Variants in SYNE2 observed in about 807,000 individuals in gnomAD.
SYNE2 encodes the protein nesprin-2.
Under a neutral mutation model 856.3 loss-of-function variants are expected in SYNE2, and 431 were observed. The observed-to-expected ratio is 0.50, with a 90% CI of 0.47 to 0.55. The LOEUF (loss-of-function observed/expected upper bound fraction) is 0.55, where lower values mean the gene tolerates loss of function less well. Ranked by LOEUF, SYNE2 falls within the 20% of genes least tolerant of loss-of-function variation. The probability of loss-of-function intolerance (pLI) is 0.00; values close to 1 mark genes in which losing one functional copy is unlikely to be tolerated. For synonymous variants in SYNE2, 2,923 were observed against 2,872.3 expected, an observed-to-expected ratio of 1.02 and a Z score of -0.56; for missense variants, 8,129 against 8,023.2, an observed-to-expected ratio of 1.01 and a Z score of -0.50.
chr14:63,991,782 A>T (rs891466569), intron 21 of SYNE2, among the ~76,000 whole-genome samples: 3 of 152,094 alleles, frequency 2.0e-5, no homozygotes, highest in Admixed American at 1.3e-4. Context: ...ACTTTTTTTC[A>T]TTCATATTCA....
In SYNE2 at chr14:64,102,046, A is replaced by T. The variant is rs1016611009; in HGVS notation, c.12492+4A>T. 1.2e-5 allele frequency: 20 copies of T among 1,604,766 alleles called. No homozygotes were observed. Among genetic ancestry groups the T allele is most frequent in the African/African-American group, 1.2e-4 (9 of 74,748 alleles). ...ATCCTCTGGAACAATTGTTCAGGTA[A>T]TGCTGGGCGTATCAGCCACGCTTAG... On this transcript the variant is annotated splice_donor_region_variant and intron_variant, in intron 64 of 115. Coordinates refer to ENST00000555002, the MANE Select transcript of SYNE2 (RefSeq NM_182914.3).
At chr14:63,849,068 A>G (rs893908218), upstream of SYNE2, among the ~76,000 whole-genome samples, 3 of 152,238 alleles carry the variant, frequency 2.0e-5, no homozygotes, top group Admixed American at 2.0e-4. Flanking sequence ...AAACAAGACC[A>G]GAATGAGATA....
intron 1 of SYNE2, among the ~76,000 whole-genome samples, chr14:63,861,385 C>T (rs991487722): frequency 4.6e-5 from 7 of 151,790 alleles, no homozygotes; most frequent in South Asian, 2.1e-4. Context: ...CCTCGTGATC[C>T]GCCCACCTCA....
At chr14:64,103,077 T>C (rs2097746555) in intron 64 of SYNE2, among the ~76,000 whole-genome samples, 1 of 152,228 alleles carries the variant, frequency 6.6e-6, no homozygotes, top group African/African-American at 2.4e-5. Flanking sequence ...GTTGCTTCTC[T>C]ATCTTGGCTA....
chr14:63,984,654 A>G (rs767519413), intron 18 of SYNE2, among the ~76,000 whole-genome samples: 2 of 152,198 alleles, frequency 1.3e-5, no homozygotes, highest in Non-Finnish European at 2.9e-5. Flanking sequence ...AAAATCATAT[A>G]CTTGTAAGAT....
intron 8 of SYNE2, among the ~76,000 whole-genome samples, chr14:63,957,031 A>G (rs1272824785): frequency 6.6e-6 from 1 of 152,062 alleles, no homozygotes; most frequent in Non-Finnish European, 1.5e-5. Context: ...GAATTATACA[A>G]TATATGGTCT....
chr14:63,946,854 C>CTT (rs1047746600), intron 6 of SYNE2, among the ~76,000 whole-genome samples: 1 of 145,546 alleles, frequency 6.9e-6, no homozygotes, highest in African/African-American at 2.5e-5. Context: ...TTTTATATTC[C>CTT]TTTTTTTTTT....
chr14:63,946,388 A>G (rs970283000), intron 6 of SYNE2, among the ~76,000 whole-genome samples: 13 of 152,004 alleles, frequency 8.6e-5, no homozygotes, highest in African/African-American at 3.1e-4. Flanking sequence ...TGACTGGGCT[A>G]CTGCACTCTA....
chr14:64,014,348 G>A (rs1052344331), intron 32 of SYNE2, among the ~76,000 whole-genome samples: 1 of 152,130 alleles, frequency 6.6e-6, no homozygotes, highest in African/African-American at 2.4e-5. Context: ...GGAGTCTTTG[G>A]TGAATATAAG....
intron 60 of SYNE2, among the ~76,000 whole-genome samples, chr14:64,091,697 G>A (rs1209489949): frequency 6.6e-6 from 1 of 152,156 alleles, no homozygotes; most frequent in Admixed American, 6.5e-5. Flanking sequence ...CTCTCCATCA[G>A]GAATCATCAT....
At chr14:63,796,944 TG>T (rs376258098) in intron 1 of SYNE2, among the ~76,000 whole-genome samples, 31 of 151,776 alleles carry the variant, frequency 2.0e-4, no homozygotes, top group African/African-American at 7.0e-4. Flanking sequence ...CCGGGTGTGG[TG>T]GCGTGCGCCT....
At chr14:63,938,193 A>G (rs1178603880) in intron 2 of SYNE2, among the ~76,000 whole-genome samples, 1 of 152,184 alleles carries the variant, frequency 6.6e-6, no homozygotes, top group African/African-American at 2.4e-5. Context: ...GTGATGGCTC[A>G]CGCCTGTAAT....
At chr14:64,212,718 T>G (rs2098647564) in intron 104 of SYNE2, 93 bp from the exon 105 acceptor site, 1 of 1,154,946 alleles carries the variant, frequency 8.7e-7, no homozygotes, top group Non-Finnish European at 1.3e-6. Flanking sequence ...ATAATGACAT[T>G]TGGATGCTTT....
intron 38 of SYNE2, 129 bp from the exon 39 acceptor site, chr14:64,024,128 C>T (rs764772132): frequency 4.0e-6 from 3 of 759,138 alleles, no homozygotes; most frequent in Non-Finnish European, 6.9e-6. Flanking sequence ...ATCTCCATCA[C>T]CCTTCTTTCG....
intron 1 of SYNE2, among the ~76,000 whole-genome samples, chr14:63,805,524 A>G (rs1888328384): frequency 1.3e-5 from 2 of 152,112 alleles, no homozygotes; most frequent in South Asian, 4.1e-4. Flanking sequence ...AGTAGCTGGG[A>G]CTACAGGCGC....
At chr14:63,788,830 A>G (rs1012775855) in intron 1 of SYNE2, among the ~76,000 whole-genome samples, 1 of 152,236 alleles carries the variant, frequency 6.6e-6, no homozygotes, top group Non-Finnish European at 1.5e-5. Flanking sequence ...AAATAGAACT[A>G]GCATATGATC....
chr14:64,215,886 C>G, intron 107 of SYNE2: 1 of 1,232,024 alleles, frequency 8.1e-7, no homozygotes, highest in Admixed American at 3.4e-5. Flanking sequence ...TTTTGGTTCC[C>G]AAGTCCATCT....
chr14:63,891,246 T>G (rs990724750), intron 1 of SYNE2, among the ~76,000 whole-genome samples: 1 of 152,204 alleles, frequency 6.6e-6, no homozygotes, highest in Non-Finnish European at 1.5e-5. Flanking sequence ...ACAGTTTTAA[T>G]TACTTACGTA....
intron 11 of SYNE2, among the ~76,000 whole-genome samples, chr14:63,973,631 C>CAAA (rs60498158): frequency 5.9e-4 from 40 of 67,768 alleles, no homozygotes; most frequent in Admixed American, 7.7e-4. Context: ...GAGTCCATCT[C>CAAA]AAAAAAAAAA....
Sources: allele counts gnomAD v4.1 joint callset (sites outside exome capture counted in the v4.1 genomes callset), GRCh38; gene constraint gnomAD v4.1.1; transcripts MANE v1.5; gene names NCBI Gene and HGNC (gene_info 2026-07-23, HGNC 2026-07-21).